ACSL5: variants seen among roughly 807,000 people sequenced by gnomAD.
The protein encoded by ACSL5 is long-chain-fatty-acid--CoA ligase 5.
In ACSL5, 50 loss-of-function variants were observed where a neutral mutation model predicts 84.9. The ratio of observed to expected loss-of-function variants is 0.59; its 90% CI spans 0.47 to 0.75. ACSL5 has a LOEUF of 0.75. Among genes scored for constraint, ACSL5 ranks in the 30% least tolerant of loss-of-function variants. The pLI, the probability that ACSL5 is intolerant of heterozygous loss-of-function variation, is 0.00. For missense variants in ACSL5, 775 were observed against 830.4 expected (o/e 0.93, Z 0.82); for synonymous variants, 280 against 300.7 (o/e 0.93, Z 0.71).
intron 5 of ACSL5, among the ~76,000 whole-genome samples, chr10:112,407,234 A>T (rs1229285388): frequency 6.6e-6 from 1 of 151,708 alleles, no homozygotes; most frequent in Non-Finnish European, 1.5e-5. Context: ...TTATTTATTT[A>T]TTTTTTGTGA....
At chr10:112,379,675 C>T (rs997926440) in intron 1 of ACSL5, among the ~76,000 whole-genome samples, 3 of 152,218 alleles carry the variant, frequency 2.0e-5, no homozygotes, top group Non-Finnish European at 4.4e-5. Context: ...CCTGCTCCTT[C>T]TGTGTACAGT....
At chr10:112,390,644 GTAGATAGATAAA>G (rs1292730165) in intron 1 of ACSL5, among the ~76,000 whole-genome samples, 17 of 136,366 alleles carry the variant, frequency 1.2e-4, no homozygotes, top group Admixed American at 1.6e-4. Context: ...TCATCAACTG[GTAGATAGATAAA>G]TAGATAGATA....
At position 112,421,944 on chromosome 10, in the gene ACSL5, TA is replaced by T; in HGVS notation, c.1388-2del. 1 of 1,614,050 alleles carries T rather than the reference TA, an allele frequency of 6.2e-7. No homozygotes were observed. Among genetic ancestry groups the T allele is most frequent in the East Asian group, 2.2e-5 (1 of 44,878 alleles). The stretch of plus-strand genomic sequence containing the variant: ...TCAGCTAATTCAGCACGGTATGTTC[TA>T]GGTCACGTTGGGGTGCCCCTGGCTT... On this transcript the variant is annotated splice_acceptor_variant, in intron 15 of 20. Transcript: ENST00000354655. LOFTEE classifies it high-confidence loss of function.
chr10:112,400,393 CTTTTTTTCTTTTCTTTTTTT>C (rs1843853141), intron 3 of ACSL5, among the ~76,000 whole-genome samples: 1 of 133,862 alleles, frequency 7.5e-6, no homozygotes, highest in African/African-American at 2.8e-5. Flanking sequence ...TTTTTTTTTC[CTTTTTTTCTTTTCTTTTTTT>C]TTTTTTTTTT....
At chr10:112,417,425 C>A (rs140462170) in intron 13 of ACSL5, among the ~76,000 whole-genome samples, 30 of 151,828 alleles carry the variant, frequency 2.0e-4, no homozygotes, top group Non-Finnish European at 3.7e-4. Context: ...ATCGCTTGAA[C>A]CCAGGAGGTG....
chr10:112,416,566 TTTTG>T (rs565682721), intron 12 of ACSL5, among the ~76,000 whole-genome samples: 511 of 152,174 alleles, frequency 3.4e-3, no homozygotes, highest in Admixed American at 8.1e-3. Context: ...GAGCTGTGTT[TTTTG>T]TTTGTTTGTT....
chr10:112,416,796 T>G (rs1328745550), intron 12 of ACSL5, 92 bp from the exon 13 acceptor site: 27 of 1,418,812 alleles, frequency 1.9e-5, no homozygotes, highest in Non-Finnish European at 2.3e-5. Flanking sequence ...ACCACTTCCT[T>G]ATAAAGCTAG....
chr10:112,384,322 A>G (rs946398195), intron 1 of ACSL5, among the ~76,000 whole-genome samples: 1 of 152,124 alleles, frequency 6.6e-6, no homozygotes, highest in Non-Finnish European at 1.5e-5. Context: ...ACTCCCCAAT[A>G]TAATGCAATC....
chr10:112,411,849 G>T, intron 10 of ACSL5, 53 bp from the exon 11 acceptor site: 4 of 1,513,566 alleles, frequency 2.6e-6, no homozygotes, highest in Middle Eastern at 1.7e-4. Context: ...CATTGGAATT[G>T]AAAGTTGGCA....
At chr10:112,381,649 CAG>C (rs921623684) in intron 1 of ACSL5, among the ~76,000 whole-genome samples, 13 of 127,112 alleles carry the variant, frequency 1.0e-4, no homozygotes, top group Admixed American at 1.8e-4. Flanking sequence ...GCCTGGGTGA[CAG>C]AGTGAGACTG....
chr10:112,387,492 TGA>T (rs1378729363), intron 1 of ACSL5, among the ~76,000 whole-genome samples: 1 of 152,220 alleles, frequency 6.6e-6, no homozygotes, highest in Admixed American at 6.5e-5. Flanking sequence ...AGTCAAGGAC[TGA>T]GAGAGAGGTT....
chr10:112,390,628 A>T (rs1414135421), intron 1 of ACSL5, among the ~76,000 whole-genome samples: 2 of 151,534 alleles, frequency 1.3e-5, no homozygotes, highest in East Asian at 3.9e-4. Context: ...GAAACAACCC[A>T]GATATTCATC....
In ACSL5 at chr10:112,428,123, T is replaced by TG; in HGVS notation, c.*770dup. On this transcript the variant is annotated 3_prime_UTR_variant, in exon 21 of 21. Coordinates refer to ENST00000354655, the MANE Select transcript of ACSL5 (RefSeq NM_203379.2). ...CAGTTTGCTGCTGAGCTGGAAGCTG[T>TG]GGGGGAAGGAGTTGACAGGTGGGCC... 1 of 277,086 alleles carries TG rather than the reference T, an allele frequency of 3.6e-6. No homozygotes were observed. The allele number at this position is 277,086 out of a possible 1,614,324, so 17.2% of individuals were successfully genotyped here.
At chr10:112,412,583 T>C (rs960759118) in intron 11 of ACSL5, 6 of 152,700 alleles carry the variant, frequency 3.9e-5, no homozygotes, top group African/African-American at 1.2e-4. Context: ...GGTAGTGTGG[T>C]TGGAAAGTTC....
At chr10:112,419,116 G>A (rs1844396149) in intron 14 of ACSL5, among the ~76,000 whole-genome samples, 1 of 146,000 alleles carries the variant, frequency 6.8e-6, no homozygotes, top group Non-Finnish European at 1.5e-5. Context: ...GTGTGTGTGT[G>A]TGTGTGTGTG....
At chr10:112,410,710 G>A in intron 9 of ACSL5, 75 bp downstream of exon 9, 1 of 1,484,384 alleles carries the variant, frequency 6.7e-7, no homozygotes, top group Admixed American at 1.9e-5. Flanking sequence ...CCACTGGTAG[G>A]CTGGTAAATA....
Position 112,427,222 on chromosome 10 carries a change from A to C in ACSL5, c.1916A>C (p.Lys639Thr). 1.9e-6 allele frequency: 3 copies of C among 1,611,746 alleles called. No individual in the cohort carries two copies. Among genetic ancestry groups the C allele is most frequent in the Non-Finnish European group, 2.5e-6 (3 of 1,179,110 alleles). ...ESGLKTFEQV[K>T]AIFLHPEPFS... The stretch of plus-strand genomic sequence containing the variant: ...GTGTGTGTGTTCATCTTCCAGGTCA[A>C]AGCCATTTTTCTTCATCCAGAGCCA... The change falls in exon 21 of 21, where the codon AAA (lysine) becomes ACA (threonine). Residue 639 changes from lysine (K) to threonine (T), a missense_variant. Coordinates refer to ENST00000354655, the MANE Select transcript of ACSL5 (RefSeq NM_203379.2).
chr10:112,426,899 A>G (rs1198003239), intron 20 of ACSL5, 40 bp downstream of exon 20: 2 of 1,511,602 alleles, frequency 1.3e-6, no homozygotes, highest in Non-Finnish European at 1.8e-6. Flanking sequence ...CTCTTGTCAG[A>G]AAGTTTTGTT....
chr10:112,407,880 A>G (rs924013159), intron 5 of ACSL5, among the ~76,000 whole-genome samples: 6 of 152,118 alleles, frequency 3.9e-5, no homozygotes, highest in African/African-American at 1.4e-4. Flanking sequence ...TTACGGATGG[A>G]ACTTATCACA....
Sources: gnomAD v4.1 joint callset for allele counts (sites outside exome capture counted in the v4.1 genomes callset) on GRCh38, gnomAD v4.1.1 for gene constraint, MANE v1.5 for transcripts, NCBI Gene and HGNC (gene_info 2026-07-23, HGNC 2026-07-21) for gene names.